Variants in TRPM8 observed in about 807,000 individuals in gnomAD.
The protein encoded by TRPM8 is TRPM8 cationic channel.
In TRPM8, 110 loss-of-function variants were observed where a neutral mutation model predicts 133.7. The observed-to-expected ratio is 0.82, with a 90% CI of 0.70 to 0.96. TRPM8 has a LOEUF of 0.96. TRPM8 is among the 40% of genes least tolerant of loss of function. TRPM8 has a pLI of 0.00. For synonymous variants in TRPM8, 535 were observed against 532.3 expected (o/e 1.01, Z -0.07); for missense variants, 1,291 against 1,379.5 (o/e 0.94, Z 1.02).
At chr2:233,956,794 C>G (rs1005090459) in intron 11 of TRPM8, among the ~76,000 whole-genome samples, 1 of 152,268 alleles carries the variant, frequency 6.6e-6, no homozygotes, top group Non-Finnish European at 1.5e-5. Context: ...GTGTTTGCAG[C>G]ACAATGAACC....
chr2:233,991,232 T>A (rs1388103823), intron 21 of TRPM8, among the ~76,000 whole-genome samples: 6 of 152,206 alleles, frequency 3.9e-5, no homozygotes, highest in African/African-American at 1.4e-4. Context: ...AAGAGAAATG[T>A]CATGGGTCTT....
intron 2 of TRPM8, among the ~76,000 whole-genome samples, chr2:233,927,738 C>A (rs1383937630): frequency 1.7e-5 from 1 of 58,972 alleles, no homozygotes; most frequent in African/African-American, 2.7e-4. Context: ...TTCTTTCTTT[C>A]TTTCTTTCTT....
chr2:233,970,130 T>A (rs1548690), intron 16 of TRPM8, 80 bp from the exon 17 acceptor site: 2 of 1,289,452 alleles, frequency 1.6e-6, no homozygotes, highest in Non-Finnish European at 2.3e-6. Context: ...TCTGTATTTA[T>A]CTATGTTTGG....
At chr2:233,945,799 A>G in intron 6 of TRPM8, 57 bp from the exon 7 acceptor site, 2 of 1,467,280 alleles carry the variant, frequency 1.4e-6, no homozygotes, top group Non-Finnish European at 1.9e-6. Flanking sequence ...GAAAAATATC[A>G]TCATGTATCT....
At chr2:234,004,873 C>A (rs1397365693) in intron 22 of TRPM8, among the ~76,000 whole-genome samples, 1 of 152,184 alleles carries the variant, frequency 6.6e-6, no homozygotes, top group Non-Finnish European at 1.5e-5. Flanking sequence ...CTAACTTGCT[C>A]ATTTAACTAA....
At chr2:233,936,477 C>A (rs1003386126) in intron 3 of TRPM8, among the ~76,000 whole-genome samples, 1 of 152,220 alleles carries the variant, frequency 6.6e-6, no homozygotes, top group East Asian at 1.9e-4. Context: ...TCCTCATCTA[C>A]CCCAAATTAT....
At chr2:233,981,737 AAT>A (rs1225603418) in intron 18 of TRPM8, 35 bp from the exon 19 acceptor site, 2 of 1,567,306 alleles carry the variant, frequency 1.3e-6, no homozygotes, top group Non-Finnish European at 1.7e-6. Context: ...ATGTTTTGTC[AAT>A]ATCTCATGAA....
chr2:233,982,835 T>C (rs1294230094), intron 19 of TRPM8, among the ~76,000 whole-genome samples: 1 of 152,100 alleles, frequency 6.6e-6, no homozygotes, highest in Non-Finnish European at 1.5e-5. Context: ...CAAGCAAAAA[T>C]GCATCAAACC....
Position 233,996,574 on chromosome 2 carries a change from G to A in TRPM8, c.3130+58G>A, listed in dbSNP as rs892866630. On this transcript the variant is annotated intron_variant, in intron 22 of 25. Coordinates refer to ENST00000324695, the MANE Select transcript of TRPM8 (RefSeq NM_024080.5). The stretch of plus-strand genomic sequence containing the variant: ...GAAGCAGCGATTAATTTCAGGGAAG[G>A]ATGCCTGGTGTGTATCTCAACAGGA... 3 of 1,462,516 alleles carry A rather than the reference G, an allele frequency of 2.1e-6. No homozygotes were observed. The Admixed American group carries it at 5.1e-5, about 25-fold the overall frequency. The allele number at this position is 1,462,516 out of a possible 1,614,324, so 90.6% of individuals were successfully genotyped here. A position where few individuals can be genotyped will look rare whatever the true frequency, so the allele number is the denominator to read the frequency against.
intron 1 of TRPM8, among the ~76,000 whole-genome samples, chr2:233,925,545 T>C (rs797001435): frequency 7.3e-4 from 111 of 151,902 alleles, no homozygotes; most frequent in African/African-American, 2.6e-3. Context: ...GAAAGCCAGG[T>C]CCAGAGAGAG....
At chr2:233,963,206 G>A (rs1026108611) in intron 12 of TRPM8, 76 bp from the exon 13 acceptor site, 5 of 893,856 alleles carry the variant, frequency 5.6e-6, no homozygotes, top group Non-Finnish European at 8.8e-6. Context: ...TCCAAACATG[G>A]GCTACTCTCC....
chr2:233,967,372 T>C (rs1466244570), intron 15 of TRPM8, among the ~76,000 whole-genome samples: 1 of 152,080 alleles, frequency 6.6e-6, no homozygotes, highest in East Asian at 1.9e-4. Flanking sequence ...TGTAGAAATG[T>C]GGGTGTGAGA....
chr2:233,974,258 G>A lies in TRPM8; in HGVS notation c.2355+3832G>A, dbSNP rs28902192. 6.0e-3 allele frequency among the ~76,000 whole-genome samples: 916 copies of A among 151,940 alleles called. 8 individuals carry two copies. Among genetic ancestry groups the A allele is most frequent in the African/African-American group, 0.021 (877 of 41,438 alleles). ...TTTTTTGTTGTTTTTTTTTGAGACT[G>A]TATCTTGCTCTGTTGCCCGGGCTGG... is the stretch of plus-strand genomic sequence containing the variant. On this transcript the variant is annotated intron_variant, in intron 17 of 25. Transcript: ENST00000324695.
At chr2:233,971,872 C>T (rs899986387) in intron 17 of TRPM8, among the ~76,000 whole-genome samples, 13 of 151,382 alleles carry the variant, frequency 8.6e-5, no homozygotes, top group South Asian at 2.1e-4. Flanking sequence ...TGCTGGCTCG[C>T]GCAGCCTGCT....
chr2:234,007,339 T>G (rs1389347143), intron 23 of TRPM8, among the ~76,000 whole-genome samples: 3 of 152,222 alleles, frequency 2.0e-5, no homozygotes, highest in Admixed American at 2.0e-4. Flanking sequence ...CACCTATTTA[T>G]CTTTGTGGTG....
In TRPM8 at chr2:233,997,076, G is replaced by A. The variant is rs188514458; in HGVS notation, c.3130+560G>A. 2.5e-3 allele frequency among the ~76,000 whole-genome samples: 387 copies of A among 152,200 alleles called. 4 individuals are homozygous for A. The highest frequency in any genetic ancestry group is 0.014 in the Middle Eastern group (4 of 294). ...GCTCAGGAGTTTGTGACCAGCCTGG[G>A]CAACACGGTGAAACCCCATCTCTAC... On this transcript the variant is annotated intron_variant, in intron 22 of 25. Coordinates refer to ENST00000324695, the MANE Select transcript of TRPM8 (RefSeq NM_024080.5).
intron 17 of TRPM8, among the ~76,000 whole-genome samples, chr2:233,979,471 C>A (rs188831791): frequency 2.0e-5 from 3 of 152,162 alleles, no homozygotes; most frequent in African/African-American, 7.2e-5. Flanking sequence ...CTGGAATTAC[C>A]CAAATCCAGT....
At chr2:234,016,686 T>G (rs1030268368) in intron 25 of TRPM8, among the ~76,000 whole-genome samples, 1 of 152,190 alleles carries the variant, frequency 6.6e-6, no homozygotes, top group East Asian at 1.9e-4. Context: ...TTTTTCCTTC[T>G]CTTACACCAA....
intron 20 of TRPM8, among the ~76,000 whole-genome samples, chr2:233,984,670 T>G (rs1282892002): frequency 6.6e-6 from 1 of 152,184 alleles, no homozygotes; most frequent in Non-Finnish European, 1.5e-5. Context: ...CTCACCTTCC[T>G]TCCCCTCGAG....
Sources: allele counts gnomAD v4.1 joint callset (sites outside exome capture counted in the v4.1 genomes callset), GRCh38; gene constraint gnomAD v4.1.1; transcripts MANE v1.5; gene names NCBI Gene and HGNC (gene_info 2026-07-23, HGNC 2026-07-21).